Variants in ACAN observed in about 807,000 individuals in gnomAD.
The protein encoded by ACAN is aggrecan core protein.
ACAN carries 47 observed loss-of-function variants against 169.1 expected under a neutral mutation model. That is an observed-to-expected ratio of 0.28 (90% CI 0.22 to 0.35). The LOEUF (loss-of-function observed/expected upper bound fraction) is 0.35. Ranked by LOEUF, ACAN falls within the 10% of genes least tolerant of loss-of-function variation. ACAN has a pLI of 1.00. For synonymous variants in ACAN, 1,115 were observed against 1,112.2 expected, an observed-to-expected ratio of 1.00 and a Z score of -0.05; for missense variants, 2,716 against 2,759.9, an observed-to-expected ratio of 0.98 and a Z score of 0.36.
intron 13 of ACAN, among the ~76,000 whole-genome samples, chr15:88,862,480 T>C (rs898162634): frequency 1.3e-5 from 2 of 152,212 alleles, no homozygotes; most frequent in East Asian, 3.8e-4. Flanking sequence ...CTCACTCTAC[T>C]GGCTAAGAGA....
At chr15:88,864,978 T>C (rs1567191480) in intron 13 of ACAN, among the ~76,000 whole-genome samples, 1 of 152,246 alleles carries the variant, frequency 6.6e-6, no homozygotes, top group East Asian at 1.9e-4. Flanking sequence ...TTGGAGGTCC[T>C]GGGCTGTGAC....
Position 88,814,060 on chromosome 15 carries a change from T to C in ACAN, c.-8+10251T>C, listed in dbSNP as rs1320315626. ...AAAAGAATCCATTCAGCCATTGTCTTCCAGGAGTGGATGGGATAGAAGGGC... is the reference window on the plus strand; with the variant it reads ...AAAAGAATCCATTCAGCCATTGTCTCCCAGGAGTGGATGGGATAGAAGGGC... On this transcript the variant is annotated intron_variant, in intron 1 of 18. Coordinates refer to ENST00000560601, the MANE Select transcript of ACAN (RefSeq NM_001369268.1). This position sits in a 1 kb window ranked among gnomAD's most constrained non-coding sequence, Gnocchi z 4.0. Among the ~76,000 whole-genome samples, 1 of 152,178 alleles carries C rather than the reference T, an allele frequency of 6.6e-6. No homozygotes were observed. Among genetic ancestry groups the C allele is most frequent in the Non-Finnish European group, 1.5e-5 (1 of 68,024 alleles).
At position 88,868,187 on chromosome 15, in the gene ACAN, TCCTAATGGTGGC is replaced by T. The variant is rs1383825606; in HGVS notation, c.6947-25_6947-14del. 8 of 698,860 alleles carry T rather than the reference TCCTAATGGTGGC, an allele frequency of 1.1e-5. No individual in the cohort carries two copies. The African/African-American group carries it at 1.4e-4, about 12-fold the overall frequency. The allele number at this position is 698,860 out of a possible 1,614,324, so 43.3% of individuals were successfully genotyped here. ...GTGAGGCTGGAGTTGCCGGCAGGAGTCCTAATGGTGGCCCTTGGTTTCTTGCAGACATTGATG... is the reference window on the plus strand; with the variant it reads ...GTGAGGCTGGAGTTGCCGGCAGGAGTCCTTGGTTTCTTGCAGACATTGATG... On this transcript the variant is annotated splice_polypyrimidine_tract_variant and intron_variant, in intron 13 of 18. Coordinates refer to ENST00000560601, the MANE Select transcript of ACAN (RefSeq NM_001369268.1). This position sits in a 1 kb window ranked among gnomAD's most constrained non-coding sequence, Gnocchi z 5.2.
Position 88,859,526 on chromosome 15 carries a change from A to G in ACAN, c.6832+109A>G, listed in dbSNP as rs1315025910. On this transcript the variant is annotated intron_variant, in intron 12 of 18. Transcript: ENST00000560601. ...TTAAGGTTCCAAGAACAACTCCACC[A>G]AAGGTTAGCTGTGCAGCCTCAGGCA... The G allele has an allele frequency of 5.5e-6, 8 of 1,455,910 alleles. No homozygotes were observed. In the South Asian group the frequency reaches 7.4e-5, roughly 14 times the overall value. 90.2% of individuals were successfully genotyped at this position (1,455,910 alleles called of 1,614,324 possible).
chr15:88,863,121 C>T (rs1897230287), intron 13 of ACAN, among the ~76,000 whole-genome samples: 2 of 151,944 alleles, frequency 1.3e-5, no homozygotes, highest in Admixed American at 1.3e-4. Flanking sequence ...TCCACCTGGT[C>T]AAGGGGGTCA....
chr15:88,824,983 C>T (rs748213754), intron 1 of ACAN, among the ~76,000 whole-genome samples: 5 of 151,998 alleles, frequency 3.3e-5, no homozygotes, highest in Non-Finnish European at 7.4e-5. Flanking sequence ...GACATTTAAA[C>T]AGGCTAGAAT....
rs1896169410 is a variant in ACAN, at chr15:88,824,802, C to T, written c.-7-11398C>T. Among the ~76,000 whole-genome samples, 3 of 152,006 alleles carry T rather than the reference C, an allele frequency of 2.0e-5. No homozygotes were observed. The South Asian group carries it at 6.3e-4, about 32-fold the overall frequency. ...GCTGACGCAGGAGAATTGCTTGAGC[C>T]CGGGAGGTGGAGGTTGCAGTGAGCC... On this transcript the variant is annotated intron_variant, in intron 1 of 18. Coordinates refer to ENST00000560601, the MANE Select transcript of ACAN (RefSeq NM_001369268.1).
chr15:88,843,309 G>T lies in ACAN; in HGVS notation c.758-46G>T. The T allele has an allele frequency of 3.7e-6, 5 of 1,350,046 alleles. No individual in the cohort carries two copies. The South Asian group carries it at 5.9e-5, about 16-fold the overall frequency. 83.6% of individuals were successfully genotyped at this position (1,350,046 alleles called of 1,614,324 possible). ...GATCTCTCTGGGGATGCAGAGCAGGGGGAGGGGGGAGAAGACCCTTACCCA... is the reference window on the plus strand; with the variant it reads ...GATCTCTCTGGGGATGCAGAGCAGGTGGAGGGGGGAGAAGACCCTTACCCA... On this transcript the variant is annotated intron_variant, in intron 5 of 18. Transcript: ENST00000560601. This position sits in a 1 kb window ranked among gnomAD's most constrained non-coding sequence, Gnocchi z 4.0.
Position 88,843,301 on chromosome 15 carries a change from A to G in ACAN, c.758-54A>G, listed in dbSNP as rs961305469. ...AAAGTGTGGATCTCTCTGGGGATGC[A>G]GAGCAGGGGGAGGGGGGAGAAGACC... On this transcript the variant is annotated intron_variant, in intron 5 of 18. Transcript: ENST00000560601. The surrounding 1 kb of genome is among the most constrained non-coding windows in gnomAD (Gnocchi z 4.0). 9 of 1,364,310 alleles carry G rather than the reference A, an allele frequency of 6.6e-6. No individual in the cohort carries two copies. In the African/African-American group the frequency reaches 2.2e-4, roughly 33 times the overall value. 84.5% of individuals were successfully genotyped at this position (1,364,310 alleles called of 1,614,324 possible). A position where few individuals can be genotyped will look rare whatever the true frequency, so the allele number is the denominator to read the frequency against.
At position 88,873,615 on chromosome 15, in the gene ACAN, TC is replaced by T. The variant is rs1488929682; in HGVS notation, c.7448-224del. On this transcript the variant is annotated intron_variant, in intron 17 of 18. Transcript: ENST00000560601. This position sits in a 1 kb window ranked among gnomAD's most constrained non-coding sequence, Gnocchi z 7.5. The stretch of plus-strand genomic sequence containing the variant: ...CTACCTCCCTTTCATCTTCTCTTCA[TC>T]CCTTTAAAGACCACCCCGTTTGTAT... The T allele has an allele frequency of 1.8e-6, 1 of 568,338 alleles. No homozygotes were observed. The highest frequency in any genetic ancestry group is 1.9e-5 in the African/African-American group (1 of 53,438). 35.2% of individuals were successfully genotyped at this position (568,338 alleles called of 1,614,324 possible). A position where few individuals can be genotyped will look rare whatever the true frequency, so the allele number is the denominator to read the frequency against.
chr15:88,842,679 G>A (rs1214088391), intron 5 of ACAN, among the ~76,000 whole-genome samples: 1 of 152,214 alleles, frequency 6.6e-6, no homozygotes, highest in Non-Finnish European at 1.5e-5. Context: ...TAGGTAACAA[G>A]TTATTTGTGT....
Position 88,858,195 on chromosome 15 carries a change from G to C in ACAN, c.5610G>C (p.Gly1870=). 6.2e-7 allele frequency: 1 copy of C among 1,613,962 alleles called. No individual in the cohort carries two copies. The highest frequency in any genetic ancestry group is 8.5e-7 in the Non-Finnish European group (1 of 1,179,900). ...SGEADLSGKS[G]MVDVSGQFSG... is the part of the protein sequence containing the mutation. ...AGGCAGATCTGTCAGGCAAATCTGG[G>C]ATGGTGGATGTCAGTGGACAGTTTT... Residue 1870 remains glycine (G), a synonymous_variant, in exon 12 of 19, where the codon GGG becomes GGC. Coordinates refer to ENST00000560601, the MANE Select transcript of ACAN (RefSeq NM_001369268.1). This position sits in a 1 kb window ranked among gnomAD's most constrained non-coding sequence, Gnocchi z 4.0.
intron 1 of ACAN, among the ~76,000 whole-genome samples, chr15:88,823,447 G>A (rs1007984866): frequency 4.6e-5 from 7 of 151,926 alleles, no homozygotes; most frequent in African/African-American, 1.5e-4. Flanking sequence ...CACAGAACAG[G>A]GCAAAGCTGA....
Position 88,871,362 on chromosome 15 carries a change from GC to G in ACAN, c.7061-16del. 6.2e-7 allele frequency: 1 copy of G among 1,613,626 alleles called. No homozygotes were observed. The highest frequency in any genetic ancestry group is 2.2e-5 in the East Asian group (1 of 44,880). ...TGGTGGCCTCTGCCCCTCCCTTCAAGCCCCTGACCTGTGTTGCAGACCAGGA... is the reference window on the plus strand; with the variant it reads ...TGGTGGCCTCTGCCCCTCCCTTCAAGCCCTGACCTGTGTTGCAGACCAGGA... On this transcript the variant is annotated intron_variant, in intron 14 of 18. Transcript: ENST00000560601. This position sits in a 1 kb window ranked among gnomAD's most constrained non-coding sequence, Gnocchi z 7.8.
intron 1 of ACAN, among the ~76,000 whole-genome samples, chr15:88,834,663 G>T (rs1273041611): frequency 6.6e-6 from 1 of 152,234 alleles, no homozygotes; most frequent in Non-Finnish European, 1.5e-5. Context: ...ACCAAAAGGG[G>T]AGGGTAGGTG....
At chr15:88,833,875 C>A (rs566723870) in intron 1 of ACAN, among the ~76,000 whole-genome samples, 75 of 152,188 alleles carry the variant, frequency 4.9e-4, no homozygotes, top group African/African-American at 1.7e-3. Context: ...AGAAACACAG[C>A]TCCGAAAACA....
chr15:88,871,438 T>C lies in ACAN; in HGVS notation c.7117T>C (p.Phe2373Leu). The change falls in exon 15 of 19, where the codon TTC (phenylalanine) becomes CTC (leucine). Residue 2373 changes from phenylalanine (F) to leucine (L), a missense_variant. By Grantham distance (22) the Phe-to-Leu change is conservative. Around this residue, in one of 3 missense-constraint regions of ACAN, gnomAD observed 1,389 missense variants for 1,363.7 expected, o/e 1.02. Transcript: ENST00000560601. The surrounding 1 kb of genome is among the most constrained non-coding windows in gnomAD (Gnocchi z 7.8). ...NKYQGHCYRH[F>L]PDRETWVDAE... ...GTACCAGGGCCACTGTTACCGCCAC[T>C]TCCCGGACCGCGAGACCTGGGTGGA... The C allele has an allele frequency of 6.2e-7, 1 of 1,613,920 alleles. No individual in the cohort carries two copies. The highest frequency in any genetic ancestry group is 2.2e-5 in the East Asian group (1 of 44,874).
In ACAN at chr15:88,855,067, G is replaced by A. The variant is rs1596144139; in HGVS notation, c.2482G>A (p.Glu828Lys). The change falls in exon 12 of 19, where the codon GAG becomes AAG. Residue 828 changes from glutamate to lysine, a missense_variant. Glu to Lys is a moderately conservative substitution (Grantham distance 56, BLOSUM62 1). Coordinates refer to ENST00000560601, the MANE Select transcript of ACAN (RefSeq NM_001369268.1). ...CTCAGAGGAGCCATTCCCCTCCAAG[G>A]AGCCATCCCCCTCAGAGGAACCATC... ...FPSEEPFPSK[E>K]PSPSEEPSAS... The A allele has an allele frequency of 8.2e-6, 13 of 1,583,654 alleles. No homozygotes were observed. In the East Asian group the frequency reaches 2.2e-4, roughly 27 times the overall value.
chr15:88,857,616 A>G lies in ACAN; in HGVS notation c.5031A>G (p.Glu1677=). The part of the protein sequence containing the change: ...VEVVTASTAS[E]LEGRGTIGIS... ...TGGTCACAGCCTCCACTGCAAGTGA[A>G]CTGGAAGGGAGGGGAACCATTGGCA... Residue 1677 remains glutamate (E), a synonymous_variant, in exon 12 of 19, where the codon GAA becomes GAG. Transcript: ENST00000560601. The G allele has an allele frequency of 6.2e-7, 1 of 1,613,906 alleles. No individual in the cohort carries two copies. Among genetic ancestry groups the G allele is most frequent in the East Asian group, 2.2e-5 (1 of 44,874 alleles).
Sources: allele counts gnomAD v4.1 joint callset (sites outside exome capture counted in the v4.1 genomes callset), GRCh38; gene constraint gnomAD v4.1.1; regional missense constraint gnomAD v4.1.1; non-coding constraint Gnocchi (gnomAD v3.1); transcripts MANE v1.5; gene names NCBI Gene and HGNC (gene_info 2026-07-23, HGNC 2026-07-21).